Variants in ARHGAP26 observed in about 807,000 individuals in gnomAD.
The protein encoded by ARHGAP26 is Rho GTPase activating protein 26.
ARHGAP26 carries 38 observed loss-of-function variants against 104.8 expected under a neutral mutation model. The observed-to-expected ratio is 0.36, with a 90% confidence interval of 0.28 to 0.48. The LOEUF (loss-of-function observed/expected upper bound fraction) is 0.48, where lower values mean the gene tolerates loss of function less well. Among genes scored for constraint, ARHGAP26 ranks in the 20% least tolerant of loss-of-function variants. The pLI is 0.99. For missense variants in ARHGAP26, 704 were observed against 947.9 expected, an observed-to-expected ratio of 0.74 and a Z score of 3.38; for synonymous variants, 341 against 340.0, an observed-to-expected ratio of 1.00 and a Z score of -0.03.
chr5:143,084,028 G>A (rs756938141), intron 17 of ARHGAP26, among the ~76,000 whole-genome samples: 16 of 152,182 alleles, frequency 1.1e-4, no homozygotes, highest in Non-Finnish European at 2.4e-4. Flanking sequence ...GCAGGCTCTC[G>A]CCGTCCACGT....
chr5:142,784,102 C>T (rs1284017191), intron 1 of ARHGAP26, among the ~76,000 whole-genome samples: 3 of 152,208 alleles, frequency 2.0e-5, no homozygotes, highest in African/African-American at 7.2e-5. Flanking sequence ...ACCGAAGCTG[C>T]CCAGAGCTCA....
intron 12 of ARHGAP26, among the ~76,000 whole-genome samples, chr5:143,033,708 T>C (rs951291839): frequency 9.8e-5 from 15 of 152,314 alleles, no homozygotes; most frequent in Middle Eastern, 3.4e-3. Context: ...ACAAGCCTAC[T>C]CTTGAAACAT....
chr5:143,121,958 A>G (rs1006376671), intron 18 of ARHGAP26, among the ~76,000 whole-genome samples: 2 of 152,214 alleles, frequency 1.3e-5, no homozygotes, highest in Non-Finnish European at 2.9e-5. Context: ...TAGAATGGCA[A>G]ATTAATCATG....
At chr5:143,138,737 A>G (rs1186136532) in intron 19 of ARHGAP26, among the ~76,000 whole-genome samples, 1 of 152,226 alleles carries the variant, frequency 6.6e-6, no homozygotes, top group Non-Finnish European at 1.5e-5. Context: ...ATCTATGACT[A>G]TATAACTTAC....
chr5:142,874,095 C>T (rs1349687705), intron 2 of ARHGAP26, among the ~76,000 whole-genome samples: 1 of 152,162 alleles, frequency 6.6e-6, no homozygotes, highest in Non-Finnish European at 1.5e-5. Flanking sequence ...ATCTGGTTCT[C>T]CTGTGCTGTG....
At chr5:143,101,199 A>G (rs1157833486) in intron 17 of ARHGAP26, among the ~76,000 whole-genome samples, 1 of 152,230 alleles carries the variant, frequency 6.6e-6, no homozygotes, top group African/African-American at 2.4e-5. Flanking sequence ...CTCTTGGATC[A>G]TTGCAAGAGA....
intron 17 of ARHGAP26, chr5:143,058,210 T>C: frequency 2.6e-6 from 1 of 383,450 alleles, no homozygotes; most frequent in Admixed American, 4.3e-5. Flanking sequence ...AACAAACTGC[T>C]GAACTTTCTA....
At chr5:142,879,809 T>C (rs1756688163) in intron 4 of ARHGAP26, among the ~76,000 whole-genome samples, 1 of 152,240 alleles carries the variant, frequency 6.6e-6, no homozygotes, top group Non-Finnish European at 1.5e-5. Flanking sequence ...CGTGGAATTG[T>C]ATTTTGTGGA....
chr5:143,195,873 A>G (rs1669469885), intron 20 of ARHGAP26, among the ~76,000 whole-genome samples: 1 of 151,830 alleles, frequency 6.6e-6, no homozygotes, highest in Non-Finnish European at 1.5e-5. Flanking sequence ...AATTGCAAAA[A>G]TATGTTTTAA....
intron 17 of ARHGAP26, among the ~76,000 whole-genome samples, chr5:143,062,743 G>A (rs1377401044): frequency 2.6e-5 from 4 of 151,962 alleles, no homozygotes; most frequent in Non-Finnish European, 4.4e-5. Flanking sequence ...TCTTAAGAAG[G>A]GTTCAAAATA....
chr5:143,120,117 GA>G (rs984349777), intron 17 of ARHGAP26, among the ~76,000 whole-genome samples: 1 of 152,144 alleles, frequency 6.6e-6, no homozygotes, highest in Non-Finnish European at 1.5e-5. Flanking sequence ...CAACAAAACT[GA>G]ATGGCATTAA....
At chr5:142,796,717 T>G (rs550459892) in intron 1 of ARHGAP26, among the ~76,000 whole-genome samples, 3 of 152,366 alleles carry the variant, frequency 2.0e-5, no homozygotes, top group Non-Finnish European at 4.4e-5. Context: ...TCACATTGCC[T>G]ATGTGTATAA....
intron 20 of ARHGAP26, among the ~76,000 whole-genome samples, chr5:143,176,988 A>G (rs900596394): frequency 5.9e-5 from 9 of 152,222 alleles, no homozygotes; most frequent in Non-Finnish European, 1.2e-4. Context: ...TACAATATCA[A>G]TGTGCTTTGG....
intron 11 of ARHGAP26, among the ~76,000 whole-genome samples, chr5:142,987,979 G>T (rs1377673013): frequency 6.6e-6 from 1 of 152,190 alleles, no homozygotes; most frequent in African/African-American, 2.4e-5. Context: ...TCTCTGCCAG[G>T]CTTTGGTATC....
intron 11 of ARHGAP26, among the ~76,000 whole-genome samples, chr5:142,946,381 A>G (rs936993007): frequency 2.6e-5 from 4 of 152,060 alleles, no homozygotes; most frequent in Admixed American, 2.6e-4. Flanking sequence ...AGTTACATTG[A>G]CCCTCTTTCA....
chr5:143,019,596 C>G (rs978644627), intron 12 of ARHGAP26, among the ~76,000 whole-genome samples: 1 of 152,174 alleles, frequency 6.6e-6, no homozygotes, highest in African/African-American at 2.4e-5. Context: ...GCTCAGGCTG[C>G]TATTGTCCTG....
At chr5:143,093,851 G>C (rs1235346260) in intron 17 of ARHGAP26, among the ~76,000 whole-genome samples, 1 of 152,134 alleles carries the variant, frequency 6.6e-6, no homozygotes, top group African/African-American at 2.4e-5. Context: ...AGAGATTTTT[G>C]TGAGGTTCAA....
chr5:143,192,122 G>GACTA, intron 20 of ARHGAP26, among the ~76,000 whole-genome samples: 1 of 152,310 alleles, frequency 6.6e-6, no homozygotes, highest in East Asian at 1.9e-4. Flanking sequence ...ATAAAAGAGG[G>GACTA]ATAAGACAAC....
At chr5:142,906,398 T>G (rs1211898545) in intron 8 of ARHGAP26, among the ~76,000 whole-genome samples, 1 of 152,224 alleles carries the variant, frequency 6.6e-6, no homozygotes, top group Admixed American at 6.5e-5. Flanking sequence ...CTATGATGGT[T>G]GCAAAATGGT....
Sources: allele counts gnomAD v4.1 joint callset (sites outside exome capture counted in the v4.1 genomes callset), GRCh38; gene constraint gnomAD v4.1.1; transcripts MANE v1.5; gene names NCBI Gene and HGNC (gene_info 2026-07-23, HGNC 2026-07-21).